ZNF385B: variants seen among roughly 807,000 people sequenced by gnomAD.
ZNF385B encodes zinc finger protein 533.
Under a neutral mutation model 39.2 loss-of-function variants are expected in ZNF385B, and 23 were observed. That is an observed-to-expected ratio of 0.59 (90% CI 0.42 to 0.83). The LOEUF is 0.83. ZNF385B is among the 40% of genes least tolerant of loss of function. The pLI is 0.00. For missense variants in ZNF385B, 552 were observed against 598.9 expected, an observed-to-expected ratio of 0.92 and a Z score of 0.82; for synonymous variants, 205 against 222.6, an observed-to-expected ratio of 0.92 and a Z score of 0.70.
chr2:179,456,518 G>T (rs1038119759), intron 6 of ZNF385B, among the ~76,000 whole-genome samples: 1 of 151,958 alleles, frequency 6.6e-6, no homozygotes, highest in African/African-American at 2.4e-5. Flanking sequence ...ACTCTGAAAG[G>T]AAACAAAAAT....
chr2:179,521,055 T>C (rs917274355), intron 4 of ZNF385B, among the ~76,000 whole-genome samples: 3 of 149,950 alleles, frequency 2.0e-5, no homozygotes, highest in Admixed American at 6.8e-5. Flanking sequence ...AAGTTCTTAG[T>C]AGACTATTGT....
intron 3 of ZNF385B, among the ~76,000 whole-genome samples, chr2:179,702,484 G>A (rs376780280): frequency 7.9e-5 from 12 of 152,104 alleles, no homozygotes; most frequent in Non-Finnish European, 1.5e-4. Flanking sequence ...ATTGAAAAGC[G>A]ATCCACGTGC....
At chr2:179,603,885 T>G (rs1292259725) in intron 3 of ZNF385B, among the ~76,000 whole-genome samples, 1 of 152,182 alleles carries the variant, frequency 6.6e-6, no homozygotes, top group Non-Finnish European at 1.5e-5. Flanking sequence ...AATGCCTCTT[T>G]GTAGTAGATT....
At chr2:179,455,189 T>A (rs1355490294) in intron 6 of ZNF385B, among the ~76,000 whole-genome samples, 1 of 152,148 alleles carries the variant, frequency 6.6e-6, no homozygotes, top group African/African-American at 2.4e-5. Flanking sequence ...CACAAATGCT[T>A]ATTGTTGTGT....
chr2:179,567,445 A>G (rs1684726970), intron 3 of ZNF385B, among the ~76,000 whole-genome samples: 1 of 152,188 alleles, frequency 6.6e-6, no homozygotes. Context: ...GTGCTTTTCT[A>G]TTTAGAGAAC....
At chr2:179,730,720 G>C (rs566295221) in intron 3 of ZNF385B, among the ~76,000 whole-genome samples, 3 of 152,012 alleles carry the variant, frequency 2.0e-5, no homozygotes, top group African/African-American at 7.3e-5. Context: ...ATGATCATGT[G>C]AATGAATGAA....
chr2:179,454,188 G>C (rs1184558050), intron 6 of ZNF385B, among the ~76,000 whole-genome samples: 1 of 152,308 alleles, frequency 6.6e-6, no homozygotes, highest in Middle Eastern at 3.4e-3. Flanking sequence ...GTACAGTCAT[G>C]TGTCACATAA....
intron 3 of ZNF385B, among the ~76,000 whole-genome samples, chr2:179,621,146 G>T (rs748283020): frequency 3.9e-5 from 6 of 151,912 alleles, no homozygotes; most frequent in Non-Finnish European, 7.4e-5. Context: ...ACCAAGAATG[G>T]GGTAGAAAAA....
intron 5 of ZNF385B, among the ~76,000 whole-genome samples, chr2:179,493,493 G>GTGAGTACATATATGCGTATACATA (rs2055511125): frequency 6.7e-6 from 1 of 149,716 alleles, no homozygotes; most frequent in African/African-American, 2.4e-5. Context: ...ATGTATAAAC[G>GTGAGTACATATATGCGTATACATA]TGTGTGTACA....
chr2:179,509,103 C>T lies in ZNF385B; in HGVS notation c.552+9425G>A, dbSNP rs372122394. Among the ~76,000 whole-genome samples the T allele has an allele frequency of 1.6e-4, 25 of 152,104 alleles. 1 individual carries two copies. Among genetic ancestry groups the T allele is most frequent in the Middle Eastern group, 3.4e-3 (1 of 294 alleles). ...CTGGGACTACAGGCACCCACCACTA[C>T]GCCAGATTAATTTTTTGTATTTTTA... On this transcript the variant is annotated intron_variant, in intron 5 of 9. Coordinates refer to ENST00000410066, the MANE Select transcript of ZNF385B (RefSeq NM_152520.6).
intron 3 of ZNF385B, among the ~76,000 whole-genome samples, chr2:179,731,106 T>C (rs991561002): frequency 2.0e-5 from 3 of 152,248 alleles, no homozygotes; most frequent in African/African-American, 7.2e-5. Flanking sequence ...TTTCAACCTG[T>C]ATGTTCAGAT....
At chr2:179,517,488 C>CCA in intron 5 of ZNF385B, among the ~76,000 whole-genome samples, 1 of 149,842 alleles carries the variant, frequency 6.7e-6, no homozygotes, top group Non-Finnish European at 1.5e-5. Flanking sequence ...AATATAATTT[C>CCA]ATAAATCATG....
At position 179,443,081 on chromosome 2, in the gene ZNF385B, C is replaced by T; in HGVS notation, c.*169G>A. ...ATTATAGGAGCAGTCTCTAAAAGCC[C>T]TCGTCAATCTAGTGATGTGTTTCTC... On this transcript the variant is annotated 3_prime_UTR_variant, in exon 10 of 10. Coordinates refer to ENST00000410066, the MANE Select transcript of ZNF385B (RefSeq NM_152520.6). 1 of 751,508 alleles carries T rather than the reference C, an allele frequency of 1.3e-6. No homozygotes were observed. The allele number at this position is 751,508 out of a possible 1,614,324, so 46.6% of individuals were successfully genotyped here.
intron 1 of ZNF385B, among the ~76,000 whole-genome samples, chr2:179,788,114 C>A (rs529956111): frequency 6.6e-6 from 1 of 152,116 alleles, no homozygotes; most frequent in Admixed American, 6.6e-5. Context: ...ATGACACTAA[C>A]GTGATTTTCA....
In ZNF385B at chr2:179,789,229, A is replaced by G. The variant is rs529458929; in HGVS notation, c.-154-18557T>C. ...TAAGTGTAATTGTTAAATCTACTCT[A>G]AAAATGTTCATAAAGTACATTCCCC... On this transcript the variant is annotated intron_variant, in intron 1 of 9. Transcript: ENST00000410066. 2.6e-5 allele frequency among the ~76,000 whole-genome samples: 4 copies of G among 152,318 alleles called. No individual in the cohort carries two copies. In the East Asian group the frequency reaches 7.7e-4, roughly 29 times the overall value.
At chr2:179,472,736 G>T (rs2052920584) in intron 6 of ZNF385B, among the ~76,000 whole-genome samples, 1 of 152,160 alleles carries the variant, frequency 6.6e-6, no homozygotes, top group Non-Finnish European at 1.5e-5. Context: ...TCAGGCAGGG[G>T]TGTGCTTCTC....
At chr2:179,676,460 G>A (rs755074178) in intron 3 of ZNF385B, among the ~76,000 whole-genome samples, 2 of 151,568 alleles carry the variant, frequency 1.3e-5, no homozygotes, top group Non-Finnish European at 2.9e-5. Context: ...TCCTGACCTC[G>A]TAATCTGCCC....
At chr2:179,493,794 C>CATATATGTATATGCATATATGTATAT (rs1559338636) in intron 5 of ZNF385B, among the ~76,000 whole-genome samples, 5 of 97,370 alleles carry the variant, frequency 5.1e-5, no homozygotes, top group Admixed American at 1.0e-4. Context: ...CATATGTATA[C>CATATATGTATATGCATATATGTATAT]ATATATGTAT....
chr2:179,466,430 G>T (rs1574282118), intron 6 of ZNF385B, among the ~76,000 whole-genome samples: 1 of 151,822 alleles, frequency 6.6e-6, no homozygotes, highest in Admixed American at 6.6e-5. Flanking sequence ...ATTCCTCTTT[G>T]CAGCTAAACT....
Sources: gnomAD v4.1 joint callset for allele counts (sites outside exome capture counted in the v4.1 genomes callset) on GRCh38, gnomAD v4.1.1 for gene constraint, MANE v1.5 for transcripts, NCBI Gene and HGNC (gene_info 2026-07-23, HGNC 2026-07-21) for gene names.